Variants in SPATA17 observed in about 807,000 individuals in gnomAD.
SPATA17 encodes the protein spermatogenesis associated 17.
A neutral mutation model predicts 62.2 loss-of-function variants in SPATA17; 53 were observed. That is an observed-to-expected ratio of 0.85 (90% CI 0.68 to 1.07). SPATA17 has a LOEUF of 1.07. Among genes scored for constraint, SPATA17 ranks in the 50% least tolerant of loss-of-function variants. SPATA17 has a pLI of 0.00. For synonymous variants in SPATA17, 146 were observed against 146.8 expected (o/e 0.99, Z 0.04); for missense variants, 466 against 425.5 (o/e 1.10, Z -0.84).
chr1:217,650,501 CT>C (rs1670285186), intron 2 of SPATA17, among the ~76,000 whole-genome samples: 1 of 152,062 alleles, frequency 6.6e-6, no homozygotes, highest in Non-Finnish European at 1.5e-5. Flanking sequence ...ACTGCAACCT[CT>C]GCCTCCCTGG....
At position 217,696,078 on chromosome 1, in the gene SPATA17, G is replaced by C. The variant is rs539693627; in HGVS notation, c.395+12717G>C. 4.6e-5 allele frequency among the ~76,000 whole-genome samples: 7 copies of C among 152,290 alleles called. No individual in the cohort carries two copies. In the East Asian group the frequency reaches 1.4e-3, roughly 29 times the overall value. On this transcript the variant is annotated intron_variant, in intron 5 of 10. Coordinates refer to ENST00000366933, the MANE Select transcript of SPATA17 (RefSeq NM_138796.4). ...TAAGCAAGCCTGGGCAATGGCGGGC[G>C]CCCCTCTGCTAGCCTTGCTGCCGCC...
At chr1:217,818,112 C>T (rs1002892822) in intron 9 of SPATA17, among the ~76,000 whole-genome samples, 1 of 151,796 alleles carries the variant, frequency 6.6e-6, no homozygotes, top group Non-Finnish European at 1.5e-5. Flanking sequence ...AATAAAACCA[C>T]CTATTATTCA....
rs1179271111 is a variant in SPATA17 at position 217,651,084 on chromosome 1, T to A, written c.159-13T>A. On this transcript the variant is annotated splice_polypyrimidine_tract_variant and intron_variant, in intron 2 of 10. Coordinates refer to ENST00000366933, the MANE Select transcript of SPATA17 (RefSeq NM_138796.4). ...ATGAAAGGATACTAATAAGCATATT[T>A]TTTTTATCCTAGGCATTTAAACAGG... The A allele has an allele frequency of 1.3e-6, 2 of 1,583,524 alleles. No individual in the cohort carries two copies. Among genetic ancestry groups the A allele is most frequent in the Non-Finnish European group, 1.7e-6 (2 of 1,159,966 alleles).
intron 1 of SPATA17, among the ~76,000 whole-genome samples, chr1:217,646,480 T>C (rs1670183670): frequency 6.6e-6 from 1 of 152,170 alleles, no homozygotes; most frequent in Admixed American, 6.5e-5. Flanking sequence ...GTCTCCATAT[T>C]ATATTTAGAA....
At chr1:217,866,932 G>A (rs1676026959) in intron 10 of SPATA17, 90 bp from the exon 11 acceptor site, 1 of 150,370 alleles carries the variant, frequency 6.7e-6, no homozygotes. Context: ...AGTGTGAATA[G>A]AAGACCCCAC....
intron 1 of SPATA17, among the ~76,000 whole-genome samples, chr1:217,641,427 A>G (rs1182388221): frequency 2.0e-5 from 3 of 152,138 alleles, no homozygotes. Context: ...ATCAATCAAC[A>G]GACACAGATC....
chr1:217,712,125 G>GTTTTTTTTTTT (rs1228367779), intron 5 of SPATA17, among the ~76,000 whole-genome samples: 6 of 104,324 alleles, frequency 5.8e-5, no homozygotes, highest in Admixed American at 8.7e-5. Context: ...TCTACAATAT[G>GTTTTTTTTTTT]TTCTTTTGTT....
At chr1:217,845,279 C>T (rs183839671) in intron 9 of SPATA17, among the ~76,000 whole-genome samples, 1 of 152,170 alleles carries the variant, frequency 6.6e-6, no homozygotes, top group East Asian at 1.9e-4. Flanking sequence ...TTATCCCTCT[C>T]CTATTTTAAG....
At chr1:217,783,554 G>A (rs1384546408) in intron 8 of SPATA17, among the ~76,000 whole-genome samples, 3 of 151,934 alleles carry the variant, frequency 2.0e-5, no homozygotes, top group African/African-American at 7.2e-5. Context: ...ACATATCGTA[G>A]AAGATTAAAG....
At chr1:217,781,619 A>T (rs1477735086) in intron 7 of SPATA17, among the ~76,000 whole-genome samples, 1 of 152,196 alleles carries the variant, frequency 6.6e-6, no homozygotes. Flanking sequence ...TAGAGTTTAG[A>T]ATTTTAAATA....
chr1:217,686,385 T>A (rs7540722), intron 5 of SPATA17, among the ~76,000 whole-genome samples: 28,595 of 151,984 alleles, frequency 0.19, 2,971 homozygotes, highest in African/African-American at 0.28. Context: ...ATATATCTAA[T>A]GTTATTTATG....
In SPATA17 at chr1:217,654,580, G is replaced by A. The variant is rs538137871; in HGVS notation, c.240+3402G>A. On this transcript the variant is annotated intron_variant, in intron 3 of 10. Transcript: ENST00000366933. ...CTCCACTCACATTTTTTAATCAAGT[G>A]AAAAAATTTGCATTATTATTTCCTC... Among the ~76,000 whole-genome samples, 18 of 152,060 alleles carry A rather than the reference G, an allele frequency of 1.2e-4. No individual in the cohort carries two copies. In the South Asian group the frequency reaches 3.3e-3, roughly 28 times the overall value.
intron 5 of SPATA17, among the ~76,000 whole-genome samples, chr1:217,722,023 G>A (rs1672138257): frequency 6.6e-6 from 1 of 152,120 alleles, no homozygotes; most frequent in Non-Finnish European, 1.5e-5. Context: ...GAAGAGGCAG[G>A]ATTGTCACCC....
intron 5 of SPATA17, among the ~76,000 whole-genome samples, chr1:217,703,769 A>T (rs938332627): frequency 6.6e-6 from 1 of 152,146 alleles, no homozygotes; most frequent in Non-Finnish European, 1.5e-5. Context: ...AACAGCTCCT[A>T]TTAGATGCAT....
intron 9 of SPATA17, among the ~76,000 whole-genome samples, chr1:217,833,371 A>T (rs1197805868): frequency 2.0e-5 from 3 of 152,182 alleles, no homozygotes; most frequent in African/African-American, 7.2e-5. Context: ...TGTAAAAATG[A>T]TTCTCTACAG....
At position 217,697,087 on chromosome 1, in the gene SPATA17, C is replaced by A. The variant is rs180982345; in HGVS notation, c.395+13726C>A. ...GCAGTGGCAGGATCTCAGCTCACTGCAACCTCTGCCTCCTGGGTTCAAGTG... is the reference window on the plus strand; with the variant it reads ...GCAGTGGCAGGATCTCAGCTCACTGAAACCTCTGCCTCCTGGGTTCAAGTG... On this transcript the variant is annotated intron_variant, in intron 5 of 10. Coordinates refer to ENST00000366933, the MANE Select transcript of SPATA17 (RefSeq NM_138796.4). Among the ~76,000 whole-genome samples the A allele has an allele frequency of 3.6e-3, 544 of 152,324 alleles. 1 individual carries two copies. Among genetic ancestry groups the A allele is most frequent in the Non-Finnish European group, 6.1e-3 (413 of 68,028 alleles).
At chr1:217,709,448 C>G (rs1039306947) in intron 5 of SPATA17, among the ~76,000 whole-genome samples, 1 of 151,962 alleles carries the variant, frequency 6.6e-6, no homozygotes, top group African/African-American at 2.4e-5. Flanking sequence ...GATGGTGTCC[C>G]TCAGATTGTT....
chr1:217,725,297 T>C (rs1308601860), intron 5 of SPATA17, among the ~76,000 whole-genome samples: 1 of 152,182 alleles, frequency 6.6e-6, no homozygotes, highest in Non-Finnish European at 1.5e-5. Flanking sequence ...TGCTGTCTGA[T>C]TCTTCTCTTT....
intron 8 of SPATA17, among the ~76,000 whole-genome samples, chr1:217,799,726 T>C (rs1674257045): frequency 6.6e-6 from 1 of 152,114 alleles, no homozygotes; most frequent in Non-Finnish European, 1.5e-5. Flanking sequence ...TTTTCTAAGT[T>C]TATTAAATGG....
Sources: allele counts gnomAD v4.1 joint callset (sites outside exome capture counted in the v4.1 genomes callset), GRCh38; gene constraint gnomAD v4.1.1; transcripts MANE v1.5; gene names NCBI Gene and HGNC (gene_info 2026-07-23, HGNC 2026-07-21).